Variants in RDH13 observed in about 807,000 individuals in gnomAD.
RDH13 encodes the protein retinol dehydrogenase 13 (all-trans and 9-cis).
RDH13 carries 35 observed loss-of-function variants against 28.3 expected under a neutral mutation model. The ratio of observed to expected loss-of-function variants is 1.24; its 90% confidence interval spans 0.95 to 1.64. The LOEUF (loss-of-function observed/expected upper bound fraction) is 1.64, where lower values mean the gene tolerates loss of function less well. Among genes scored for constraint, RDH13 ranks in the 40% most tolerant of loss-of-function variants. The probability of loss-of-function intolerance (pLI) is 0.00; values close to 1 mark genes in which losing one functional copy is unlikely to be tolerated. For missense variants in RDH13, 514 were observed against 446.3 expected (o/e 1.15, Z -1.37); for synonymous variants, 229 against 198.5 (o/e 1.15, Z -1.29).
chr19:55,043,587 G>C (rs1251889224), downstream of RDH13, among the ~76,000 whole-genome samples: 3 of 151,788 alleles, frequency 2.0e-5, no homozygotes, highest in African/African-American at 7.3e-5. Context: ...AGAATCGCTT[G>C]AACATGGGAG....
chr19:55,057,558 G>A (rs930313276), intron 2 of RDH13, among the ~76,000 whole-genome samples: 4 of 150,884 alleles, frequency 2.7e-5, no homozygotes, highest in African/African-American at 4.9e-5. Context: ...TCAGCCTCCC[G>A]AGTAGCTGGG....
At chr19:55,052,190 G>C (rs147794376) in intron 3 of RDH13, among the ~76,000 whole-genome samples, 1 of 149,658 alleles carries the variant, frequency 6.7e-6, no homozygotes. Flanking sequence ...AGGCCGAGGC[G>C]GGCAGATCAC....
intron 3 of RDH13, 89 bp downstream of exon 3, chr19:55,056,564 A>T (rs1398570728): frequency 1.3e-6 from 2 of 1,494,914 alleles, no homozygotes; most frequent in Non-Finnish European, 1.8e-6. Flanking sequence ...ACTCTGCTCT[A>T]AAGTTTGCTT....
chr19:55,043,850 G>A (rs1187211798), downstream of RDH13, among the ~76,000 whole-genome samples: 1 of 152,068 alleles, frequency 6.6e-6, no homozygotes, highest in South Asian at 2.1e-4. Context: ...AGTCTTGTAA[G>A]ATGCCCGGAC....
At chr19:55,064,428 A>AC (rs2075906034), upstream of RDH13, 2 of 151,704 alleles carry the variant, frequency 1.3e-5, no homozygotes, top group Admixed American at 6.6e-5. Flanking sequence ...AAAAAAAAAA[A>AC]AACCTTAGGC....
At chr19:55,060,271 A>G (rs1370889336) in intron 1 of RDH13, among the ~76,000 whole-genome samples, 1 of 151,890 alleles carries the variant, frequency 6.6e-6, no homozygotes, top group Non-Finnish European at 1.5e-5. Flanking sequence ...GACAGGAGAA[A>G]AGCCGCCCTA....
At chr19:55,040,880 ACT>A (rs1230549829), downstream of RDH13, 1 of 152,172 alleles carries the variant, frequency 6.6e-6, no homozygotes, top group Non-Finnish European at 1.5e-5. Flanking sequence ...TAATCCCAAC[ACT>A]CTGGGAGGCC....
chr19:55,045,391 G>A (rs1209410740), intron 6 of RDH13, 82 bp from the exon 7 acceptor site: 15 of 1,125,846 alleles, frequency 1.3e-5, no homozygotes, highest in Admixed American at 4.2e-5. Context: ...AGGGAGCTCC[G>A]GGTCCCTGGA....
chr19:55,052,400 C>T (rs1188453374), intron 3 of RDH13, among the ~76,000 whole-genome samples: 19 of 151,558 alleles, frequency 1.3e-4, no homozygotes, highest in East Asian at 8.0e-4. Flanking sequence ...CAAAATTAGC[C>T]GGGCGTGGTG....
chr19:55,046,175 A>C (rs370269641), intron 6 of RDH13, among the ~76,000 whole-genome samples: 2 of 149,468 alleles, frequency 1.3e-5, no homozygotes, highest in East Asian at 2.0e-4. Context: ...TGAACCGAGG[A>C]GGCAGAGGTT....
Position 55,059,275 on chromosome 19 carries a change from C to T in RDH13, c.66G>A (p.Lys22=), listed in dbSNP as rs755276891. ...GTVAGAAVLL[K]DYVTGGACPS... The stretch of plus-strand genomic sequence containing the variant: ...GGCAAGCCCCACCGGTGACATAGTC[C>T]CTGAGGGTGAGAAGCGGCACGGTCA... The change falls in exon 2 of 7, where the codon AAG becomes AAA. Residue 22 remains lysine, a splice_region_variant and synonymous_variant. Coordinates refer to ENST00000415061, the MANE Select transcript of RDH13 (RefSeq NM_001145971.2). The T allele has an allele frequency of 7.6e-6, 12 of 1,589,054 alleles. No homozygotes were observed. Among genetic ancestry groups the T allele is most frequent in the Admixed American group, 1.8e-5 (1 of 56,850 alleles).
chr19:55,053,287 G>C (rs1173026218), intron 3 of RDH13, among the ~76,000 whole-genome samples: 1 of 152,124 alleles, frequency 6.6e-6, no homozygotes, highest in Non-Finnish European at 1.5e-5. Flanking sequence ...CTTTATTCCT[G>C]GCTGTTGATC....
chr19:55,066,899 A>G (rs1243226062), upstream of RDH13, among the ~76,000 whole-genome samples: 1 of 152,134 alleles, frequency 6.6e-6, no homozygotes, highest in East Asian at 1.9e-4. Flanking sequence ...GAGTCTTTGC[A>G]GCCCAAGCAC....
At chr19:55,048,924 G>T (rs2075335780) in intron 3 of RDH13, among the ~76,000 whole-genome samples, 161 bp from the exon 4 acceptor site, 1 of 152,180 alleles carries the variant, frequency 6.6e-6, no homozygotes, top group South Asian at 2.1e-4. Context: ...TCATTAGGGT[G>T]AGCCCTAATC....
chr19:55,049,037 G>A (rs1171291409), intron 3 of RDH13, among the ~76,000 whole-genome samples: 1 of 152,104 alleles, frequency 6.6e-6, no homozygotes, highest in Non-Finnish European at 1.5e-5. Context: ...CAGCTCCAAG[G>A]TGAGGGTGGG....
chr19:55,062,493 C>T (rs968556891), intron 1 of RDH13, among the ~76,000 whole-genome samples: 3 of 152,114 alleles, frequency 2.0e-5, no homozygotes, highest in Admixed American at 2.0e-4. Flanking sequence ...ACCAGCCTGG[C>T]CAACATGGCA....
intron 3 of RDH13, among the ~76,000 whole-genome samples, chr19:55,052,542 T>TAAAA (rs35692980): frequency 7.6e-6 from 1 of 132,442 alleles, no homozygotes; most frequent in Non-Finnish European, 1.6e-5. Context: ...AACTCCGTCT[T>TAAAA]AAAAAAAAAA....
chr19:55,048,694 T>TC lies in RDH13; in HGVS notation c.409dup (p.Asp137GlyfsTer10). Reference sequence around the variant, plus strand: ...AACGCCAAACTGCATCTCGAAGCCGTCCTCGGTGGTCCAGTGGGGGCACCG... The same window carrying TC: ...AACGCCAAACTGCATCTCGAAGCCGTCCCTCGGTGGTCCAGTGGGGGCACCG... On this transcript the variant is annotated frameshift_variant, in exon 4 of 7. Coordinates refer to ENST00000415061, the MANE Select transcript of RDH13 (RefSeq NM_001145971.2). LOFTEE classifies it high-confidence loss of function. 6.2e-7 allele frequency: 1 copy of TC among 1,613,624 alleles called. No homozygotes were observed. The highest frequency in any genetic ancestry group is 8.5e-7 in the Non-Finnish European group (1 of 1,179,928).
chr19:55,056,870 A>T, intron 2 of RDH13, 62 bp from the exon 3 acceptor site: 1 of 1,411,640 alleles, frequency 7.1e-7, no homozygotes, highest in East Asian at 2.5e-5. Flanking sequence ...CTGACCCCAG[A>T]GACATGAAAA....
Sources: allele counts gnomAD v4.1 joint callset (sites outside exome capture counted in the v4.1 genomes callset), GRCh38; gene constraint gnomAD v4.1.1; transcripts MANE v1.5; gene names NCBI Gene and HGNC (gene_info 2026-07-23, HGNC 2026-07-21).